The following TCF7L1 variants were observed in gnomAD, a reference collection of about 807,000 sequenced individuals.
TCF7L1 encodes transcription factor 7-like 1.
TCF7L1 carries 18 observed loss-of-function variants against 63.7 expected under a neutral mutation model. That is an observed-to-expected ratio of 0.28 (90% CI 0.20 to 0.42). The LOEUF is 0.42. TCF7L1 is among the 10% of genes least tolerant of loss of function. TCF7L1 has a pLI of 1.00. For missense variants in TCF7L1, 654 were observed against 779.3 expected (o/e 0.84, Z 1.91); for synonymous variants, 355 against 340.9 (o/e 1.04, Z -0.46).
intron 3 of TCF7L1, among the ~76,000 whole-genome samples, chr2:85,251,458 G>C (rs1044914171): frequency 1.3e-5 from 2 of 152,132 alleles, no homozygotes; most frequent in Admixed American, 1.3e-4. Context: ...TTCCATAAAG[G>C]CTTTTTCTAG....
At chr2:85,179,952 G>A (rs1678762219) in intron 3 of TCF7L1, among the ~76,000 whole-genome samples, 2 of 152,148 alleles carry the variant, frequency 1.3e-5, no homozygotes, top group South Asian at 2.1e-4. Context: ...TTCTGTAGCT[G>A]TAGAAGATCT....
chr2:85,191,041 A>C (rs1679030628), intron 3 of TCF7L1, among the ~76,000 whole-genome samples: 1 of 152,178 alleles, frequency 6.6e-6, no homozygotes, highest in African/African-American at 2.4e-5. Flanking sequence ...TTTAAGTGTT[A>C]AGAAAGAAGG....
At chr2:85,153,398 G>A (rs868345098) in intron 3 of TCF7L1, among the ~76,000 whole-genome samples, 4 of 137,910 alleles carry the variant, frequency 2.9e-5, no homozygotes, top group South Asian at 4.6e-4. Flanking sequence ...CTGGAGTACA[G>A]TGGCACGATC....
intron 3 of TCF7L1, among the ~76,000 whole-genome samples, chr2:85,188,047 C>T (rs1370182853): frequency 6.6e-6 from 1 of 152,168 alleles, no homozygotes; most frequent in Non-Finnish European, 1.5e-5. Flanking sequence ...TTATATACTG[C>T]ATTTGCCATT....
At chr2:85,244,846 T>C (rs1680423237) in intron 3 of TCF7L1, among the ~76,000 whole-genome samples, 1 of 151,938 alleles carries the variant, frequency 6.6e-6, no homozygotes, top group Non-Finnish European at 1.5e-5. Flanking sequence ...CACTACAGCT[T>C]TTGCACACTG....
At chr2:85,273,807 G>A (rs1289294338) in intron 3 of TCF7L1, among the ~76,000 whole-genome samples, 1 of 152,200 alleles carries the variant, frequency 6.6e-6, no homozygotes. Context: ...CAGCTCTGTG[G>A]GGATGGCTAT....
chr2:85,240,920 AC>A (rs1680305964), intron 3 of TCF7L1, among the ~76,000 whole-genome samples: 1 of 152,212 alleles, frequency 6.6e-6, no homozygotes, highest in South Asian at 2.1e-4. Context: ...TCTTTCCTAA[AC>A]TATGGTAATA....
intron 3 of TCF7L1, among the ~76,000 whole-genome samples, chr2:85,249,433 A>G (rs1224138440): frequency 6.6e-6 from 1 of 152,130 alleles, no homozygotes; most frequent in Non-Finnish European, 1.5e-5. Context: ...ATCTGAGGAT[A>G]TGTTTGTTCT....
intron 3 of TCF7L1, among the ~76,000 whole-genome samples, chr2:85,184,806 C>G (rs566909458): frequency 3.3e-4 from 50 of 152,320 alleles, no homozygotes; most frequent in African/African-American, 1.2e-3. Flanking sequence ...CTGTGCTCCC[C>G]TCTCTTCTAC....
At chr2:85,151,050 GTC>G (rs1259103866) in intron 3 of TCF7L1, among the ~76,000 whole-genome samples, 1 of 152,092 alleles carries the variant, frequency 6.6e-6, no homozygotes, top group Non-Finnish European at 1.5e-5. Context: ...ATATCTTGGG[GTC>G]TCTCATTTTT....
At chr2:85,144,417 CAAAA>C (rs55964315) in intron 3 of TCF7L1, among the ~76,000 whole-genome samples, 1 of 95,048 alleles carries the variant, frequency 1.1e-5, no homozygotes, top group Admixed American at 1.2e-4. Flanking sequence ...CCTGTCTCTA[CAAAA>C]AAAAAAAAAA....
intron 3 of TCF7L1, chr2:85,186,395 A>C (rs1280652045): frequency 6.6e-6 from 1 of 152,080 alleles, no homozygotes; most frequent in African/African-American, 2.4e-5. Context: ...AACACATCCC[A>C]CTTGAATGGG....
chr2:85,309,226 A>AC lies in TCF7L1; in HGVS notation c.1534dup (p.Arg512ProfsTer15). Reference sequence around the variant, plus strand: ...CCTCTCCCTCACCACCAAACCAGAAACCCGGGCCCAGCTGGCTCTCCACTC... The same window carrying AC: ...CCTCTCCCTCACCACCAAACCAGAAACCCCGGGCCCAGCTGGCTCTCCACTC... On this transcript the variant is annotated frameshift_variant, in exon 12 of 12. Transcript: ENST00000282111. LOFTEE classifies it high-confidence loss of function. The AC allele has an allele frequency of 6.2e-7, 1 of 1,612,672 alleles. No homozygotes were observed. The highest frequency in any genetic ancestry group is 8.5e-7 in the Non-Finnish European group (1 of 1,179,748).
intron 3 of TCF7L1, among the ~76,000 whole-genome samples, chr2:85,280,897 A>G (rs1454017211): frequency 6.6e-6 from 1 of 152,192 alleles, no homozygotes; most frequent in African/African-American, 2.4e-5. Flanking sequence ...AGTCTTAGGA[A>G]AAGCTTCGTG....
intron 3 of TCF7L1, among the ~76,000 whole-genome samples, chr2:85,280,377 G>A (rs1681382673): frequency 6.6e-6 from 1 of 152,132 alleles, no homozygotes; most frequent in East Asian, 1.9e-4. Context: ...AGTCCTACAA[G>A]CCGACTCTGC....
chr2:85,257,835 A>G (rs1263191560), intron 3 of TCF7L1, among the ~76,000 whole-genome samples: 1 of 152,062 alleles, frequency 6.6e-6, no homozygotes, highest in Non-Finnish European at 1.5e-5. Context: ...CCCTCCCGCC[A>G]CGTAGTGAGG....
Position 85,293,535 on chromosome 2 carries a change from C to T in TCF7L1, c.526-8949C>T, listed in dbSNP as rs559102062. 2.4e-4 allele frequency among the ~76,000 whole-genome samples: 37 copies of T among 152,294 alleles called. 1 individual carries two copies. The highest frequency in any genetic ancestry group is 2.4e-3 in the Admixed American group (37 of 15,294). ...GCTTAACTGTGAGCCAATTAAACCT[C>T]TTTTCTTTATAAATTACCCAGTCTC... On this transcript the variant is annotated intron_variant, in intron 4 of 11. Coordinates refer to ENST00000282111, the MANE Select transcript of TCF7L1 (RefSeq NM_031283.3).
At chr2:85,197,577 T>C (rs1355749565) in intron 3 of TCF7L1, among the ~76,000 whole-genome samples, 2 of 152,194 alleles carry the variant, frequency 1.3e-5, no homozygotes, top group African/African-American at 4.8e-5. Flanking sequence ...CTACCACTTA[T>C]CTGTGGAAAT....
chr2:85,241,534 C>A (rs1259950964), intron 3 of TCF7L1, among the ~76,000 whole-genome samples: 2 of 146,282 alleles, frequency 1.4e-5, no homozygotes, highest in African/African-American at 5.1e-5. Context: ...GCAACCTCTG[C>A]CTCCCGGGTT....
Sources: gnomAD v4.1 joint callset for allele counts (sites outside exome capture counted in the v4.1 genomes callset) on GRCh38, gnomAD v4.1.1 for gene constraint, MANE v1.5 for transcripts, NCBI Gene and HGNC (gene_info 2026-07-23, HGNC 2026-07-21) for gene names.